Variants in VWF observed in about 807,000 individuals in gnomAD.
The protein encoded by VWF is Factor VIII related antigen.
Under a neutral mutation model 308.6 loss-of-function variants are expected in VWF, and 176 were observed. The observed-to-expected ratio is 0.57, with a 90% CI of 0.50 to 0.65. VWF has a LOEUF of 0.65. Ranked by LOEUF, VWF falls within the 30% of genes least tolerant of loss-of-function variation. The pLI is 0.00. For missense variants in VWF, 3,146 were observed against 3,648.2 expected, an observed-to-expected ratio of 0.86 and a Z score of 3.55; for synonymous variants, 1,385 against 1,443.4, an observed-to-expected ratio of 0.96 and a Z score of 0.92.
intron 43 of VWF, among the ~76,000 whole-genome samples, chr12:5,975,054 G>C (rs1460234340): frequency 6.6e-6 from 1 of 152,182 alleles, no homozygotes; most frequent in East Asian, 1.9e-4. Flanking sequence ...AAACCAAAGG[G>C]TTTCCAAAAC....
At chr12:6,085,306 C>G (rs74563328) in intron 6 of VWF, among the ~76,000 whole-genome samples, 2,314 of 152,308 alleles carry the variant, frequency 0.015, 56 homozygotes, top group African/African-American at 0.053. Flanking sequence ...AGCTAATTCC[C>G]CTAAGCTGCG....
At chr12:6,102,720 C>T (rs185904540) in intron 5 of VWF, among the ~76,000 whole-genome samples, 1 of 148,320 alleles carries the variant, frequency 6.7e-6, no homozygotes, top group African/African-American at 2.6e-5. Context: ...GGTGACTGAG[C>T]GAGACTCCGT....
chr12:6,044,127 C>T (rs192789149), intron 18 of VWF, among the ~76,000 whole-genome samples, 164 bp downstream of exon 18: 2 of 144,844 alleles, frequency 1.4e-5, no homozygotes, highest in African/African-American at 2.6e-5. Context: ...AGGGAGGAGA[C>T]AGAAGAGCCT....
intron 30 of VWF, 52 bp from the exon 31 acceptor site, chr12:6,016,284 C>T (rs759461354): frequency 1.9e-6 from 3 of 1,613,652 alleles, no homozygotes; most frequent in Non-Finnish European, 1.7e-6. Context: ...CGGCTCGACA[C>T]CCTGTCTTAA....
chr12:6,010,634 C>T (rs1166994695), intron 34 of VWF, among the ~76,000 whole-genome samples: 1 of 152,228 alleles, frequency 6.6e-6, no homozygotes, highest in African/African-American at 2.4e-5. Flanking sequence ...CATAGAAGAA[C>T]AGTTGGGTAA....
rs770031169 is a variant in VWF at position 6,121,334 on chromosome 12, G to T, written c.60C>A (p.Thr20=). The T allele has an allele frequency of 1.2e-6, 2 of 1,613,968 alleles. No individual in the cohort carries two copies. Among genetic ancestry groups the T allele is most frequent in the Non-Finnish European group, 8.5e-7 (1 of 1,179,988 alleles). Residue 20 remains threonine (T), a synonymous_variant, in exon 3 of 52, where the codon ACC becomes ACA. Transcript: ENST00000261405. ...LLALALILPG[T]LCAEGTRGRS... is the part of the protein sequence containing the mutation. The stretch of plus-strand genomic sequence containing the variant: ...TGCCGCGAGTTCCTTCTGCACAAAG[G>T]GTCCCTGGAGGGAGAGGCCACAGGT...
chr12:5,998,462 C>T (rs1270584432), intron 34 of VWF, among the ~76,000 whole-genome samples: 1 of 63,440 alleles, frequency 1.6e-5, no homozygotes, highest in South Asian at 6.9e-4. Context: ...TCCGAGACTC[C>T]GTCAAAAAAA....
rs1250978697 is a variant in VWF, at chr12:6,026,046, C to T, written c.2968G>A (p.Glu990Lys). The change falls in exon 23 of 52, where the codon GAG becomes AAG. Residue 990 changes from glutamate to lysine, a missense_variant and splice_region_variant. By Grantham distance (56) the Glu-to-Lys change is moderately conservative. Transcript: ENST00000261405. ...TTCCCACACAGGCCACACACTTTCT[C>T]CTTGAGAGACAAGTTGAGGGATGAG... ...ISVVLKQTYQ[E>K]KVCGLCGNFD... 1.2e-6 allele frequency: 2 copies of T among 1,613,836 alleles called. No individual in the cohort carries two copies. Among genetic ancestry groups the T allele is most frequent in the Non-Finnish European group, 1.7e-6 (2 of 1,179,870 alleles).
rs1374340654 is a variant in VWF at position 6,024,759 on chromosome 12, C to G, written c.3222+821G>C. Among the ~76,000 whole-genome samples the G allele has an allele frequency of 1.3e-5, 2 of 152,212 alleles. No homozygotes were observed. Among genetic ancestry groups the G allele is most frequent in the Non-Finnish European group, 2.9e-5 (2 of 68,036 alleles). On this transcript the variant is annotated intron_variant, in intron 24 of 51. Coordinates refer to ENST00000261405, the MANE Select transcript of VWF (RefSeq NM_000552.5). This position sits in a 1 kb window ranked among gnomAD's most constrained non-coding sequence, Gnocchi z 4.0. ...TGCACTATGGTCGGGCATGGTGGCTCACACCTGTAATCCCAGCACTTTGGG... is the reference window on the plus strand; with the variant it reads ...TGCACTATGGTCGGGCATGGTGGCTGACACCTGTAATCCCAGCACTTTGGG...
At position 5,964,195 on chromosome 12, in the gene VWF, C is replaced by A. The variant is rs559291898; in HGVS notation, c.7887+3291G>T. Among the ~76,000 whole-genome samples, 5 of 148,428 alleles carry A rather than the reference C, an allele frequency of 3.4e-5. 1 individual carries two copies. The highest frequency in any genetic ancestry group is 1.3e-4 in the Admixed American group (2 of 15,134). On this transcript the variant is annotated intron_variant, in intron 47 of 51. Transcript: ENST00000261405. Reference sequence around the variant, plus strand: ...TCTCACCACTGCACTCCAGCCTGGGCGACAGAGAGAGACTCTGTCTAAAAA... The same window carrying A: ...TCTCACCACTGCACTCCAGCCTGGGAGACAGAGAGAGACTCTGTCTAAAAA...
chr12:6,104,085 C>T (rs1428645385), intron 5 of VWF, among the ~76,000 whole-genome samples: 2 of 151,948 alleles, frequency 1.3e-5, no homozygotes, highest in African/African-American at 4.8e-5. Flanking sequence ...TGAAAAATAA[C>T]AAATAATATC....
At chr12:6,109,972 T>C (rs1945288085) in intron 5 of VWF, among the ~76,000 whole-genome samples, 1 of 152,194 alleles carries the variant, frequency 6.6e-6, no homozygotes, top group Non-Finnish European at 1.5e-5. Context: ...ATTATCCATA[T>C]TACTTTCTAT....
At chr12:5,964,189 C>T (rs1290522570) in intron 47 of VWF, among the ~76,000 whole-genome samples, 3 of 133,562 alleles carry the variant, frequency 2.2e-5, no homozygotes, top group African/African-American at 8.8e-5. Context: ...TGCACTCCAG[C>T]CTGGGCGACA....
At chr12:6,010,027 A>T (rs1943975150) in intron 34 of VWF, among the ~76,000 whole-genome samples, 1 of 152,186 alleles carries the variant, frequency 6.6e-6, no homozygotes, top group South Asian at 2.1e-4. Flanking sequence ...AGTCACACAA[A>T]ACAAAAACTT....
At chr12:6,079,082 A>G (rs1226507196) in intron 6 of VWF, among the ~76,000 whole-genome samples, 3 of 152,202 alleles carry the variant, frequency 2.0e-5, no homozygotes, top group Admixed American at 6.5e-5. Flanking sequence ...CAAAAGATAA[A>G]GTCTGTCCTC....
intron 5 of VWF, among the ~76,000 whole-genome samples, chr12:6,099,180 C>T (rs1031988337): frequency 5.9e-5 from 9 of 151,566 alleles, no homozygotes; most frequent in East Asian, 3.9e-4. Flanking sequence ...ATTAGCCAGG[C>T]GTGGGGGTGG....
intron 44 of VWF, among the ~76,000 whole-genome samples, chr12:5,969,771 C>T (rs1224108830): frequency 1.3e-5 from 2 of 152,200 alleles, no homozygotes; most frequent in East Asian, 1.9e-4. Flanking sequence ...TGCCACTTCC[C>T]ATGGTAAGGG....
intron 17 of VWF, among the ~76,000 whole-genome samples, chr12:6,045,163 C>A (rs1234912401): frequency 1.3e-5 from 2 of 152,206 alleles, no homozygotes; most frequent in African/African-American, 4.8e-5. Flanking sequence ...TACTTCGTGG[C>A]AATTAGTAGG....
In VWF at chr12:6,073,474, C is replaced by T. The variant is rs181434612; in HGVS notation, c.997+145G>A. On this transcript the variant is annotated intron_variant, in intron 8 of 51. Coordinates refer to ENST00000261405, the MANE Select transcript of VWF (RefSeq NM_000552.5). ...ATAAAGACCAGCTCAATCCTGATCA[C>T]GCTGGACAAAGACATTTAAAAACTT... 1.2e-3 allele frequency: 1,424 copies of T among 1,145,352 alleles called. 2 individuals carry two copies. The highest frequency in any genetic ancestry group is 1.8e-3 in the Non-Finnish European group (1,381 of 783,958). 70.9% of individuals were successfully genotyped at this position (1,145,352 alleles called of 1,614,324 possible).
Sources: allele counts gnomAD v4.1 joint callset (sites outside exome capture counted in the v4.1 genomes callset), GRCh38; gene constraint gnomAD v4.1.1; non-coding constraint Gnocchi (gnomAD v3.1); transcripts MANE v1.5; gene names NCBI Gene and HGNC (gene_info 2026-07-23, HGNC 2026-07-21).